The following EML1 variants were observed in gnomAD, a reference collection of about 807,000 sequenced individuals.
EML1 encodes EMAP like 1.
Under a neutral mutation model 110.4 loss-of-function variants are expected in EML1, and 27 were observed. The observed-to-expected ratio is 0.24, with a 90% confidence interval of 0.18 to 0.34. EML1 has a LOEUF of 0.34. EML1 is among the 10% of genes least tolerant of loss of function. EML1 has a pLI of 1.00. For missense variants in EML1, 741 were observed against 1,030.9 expected, an observed-to-expected ratio of 0.72 and a Z score of 3.85; for synonymous variants, 344 against 385.8, an observed-to-expected ratio of 0.89 and a Z score of 1.27.
rs557745134 is a variant in EML1 at position 99,910,147 on chromosome 14, A to G, written c.1240-95A>G. ...ACTATCCAGCTTGGGACCACTGCGA[A>G]TCTAGATGTTATTAGTACAAATGAA... On this transcript the variant is annotated intron_variant, in intron 11 of 21. Coordinates refer to ENST00000262233, the MANE Select transcript of EML1 (RefSeq NM_004434.3). 5.5e-6 allele frequency: 5 copies of G among 905,952 alleles called. No homozygotes were observed. In the African/African-American group the frequency reaches 8.4e-5, roughly 15 times the overall value. The allele number at this position is 905,952 out of a possible 1,614,324, so 56.1% of individuals were successfully genotyped here.
intron 1 of EML1, among the ~76,000 whole-genome samples, chr14:99,800,832 C>T (rs1277459130): frequency 6.6e-6 from 1 of 152,238 alleles, no homozygotes; most frequent in Non-Finnish European, 1.5e-5. Flanking sequence ...AATATTTAAA[C>T]TCTCTATCTT....
chr14:99,752,237 G>A (rs2057185102), intron 1 of EML1, among the ~76,000 whole-genome samples: 1 of 152,066 alleles, frequency 6.6e-6, no homozygotes, highest in Admixed American at 6.5e-5. Flanking sequence ...TATGTACCCA[G>A]GAGGACACTC....
At chr14:99,908,824 G>C (rs370985505) in intron 10 of EML1, among the ~76,000 whole-genome samples, 54 of 152,220 alleles carry the variant, frequency 3.5e-4, no homozygotes, top group Admixed American at 6.5e-4. Context: ...CGGGCAGCCA[G>C]AGTCAGCCAC....
In EML1 at chr14:99,940,672, G is replaced by C. The variant is rs1329917408; in HGVS notation, c.*560G>C. The C allele has an allele frequency of 6.6e-6, 1 of 152,240 alleles. No individual in the cohort carries two copies. The highest frequency in any genetic ancestry group is 2.4e-5 in the African/African-American group (1 of 41,450). 9.4% of individuals were successfully genotyped at this position (152,240 alleles called of 1,614,324 possible). ...TTTCATTGCATTCTCCCTTGGGGAG[G>C]CTGTGAGAGAGGGCTTGTATCCCTC... On this transcript the variant is annotated 3_prime_UTR_variant, in exon 22 of 22. Transcript: ENST00000262233.
rs1028293751 is a variant in EML1, at chr14:99,845,398, G to A, written c.68-5455G>A. On this transcript the variant is annotated intron_variant, in intron 1 of 21. Transcript: ENST00000262233. ...GTTTTCTCACTGTTGAGTTTGTAAA[G>A]TTCTTTATATTTCTCATTCAATAGA... Among the ~76,000 whole-genome samples the A allele has an allele frequency of 8.5e-5, 13 of 152,222 alleles. No individual in the cohort carries two copies. In the East Asian group the frequency reaches 2.5e-3, roughly 29 times the overall value.
In EML1 at chr14:99,939,856, T is replaced by A. The variant is rs4900449; in HGVS notation, c.2323-131T>A. 419,752 of 1,171,296 alleles carry A rather than the reference T, an allele frequency of 0.36. 78,582 individuals are homozygous for A. Among genetic ancestry groups the A allele is most frequent in the Non-Finnish European group, 0.37 (321,880 of 860,734 alleles). 72.6% of individuals were successfully genotyped at this position (1,171,296 alleles called of 1,614,324 possible). A position where few individuals can be genotyped will look rare whatever the true frequency, so the allele number is the denominator to read the frequency against. ...CTTCTGTGTCACACACAGAGCAGGT[T>A]CCCAAGTGAGAGCTGCCGAGCGGAG... On this transcript the variant is annotated intron_variant, in intron 21 of 21. Transcript: ENST00000262233. This position sits in a 1 kb window ranked among gnomAD's most constrained non-coding sequence, Gnocchi z 4.2.
chr14:99,782,885 C>T (rs1434587078), intron 1 of EML1, among the ~76,000 whole-genome samples: 5 of 152,040 alleles, frequency 3.3e-5, no homozygotes, highest in African/African-American at 1.2e-4. Context: ...TTTCTTGTAA[C>T]TTCGATATTG....
intron 1 of EML1, among the ~76,000 whole-genome samples, chr14:99,765,749 C>T (rs1261103605): frequency 6.6e-6 from 1 of 151,776 alleles, no homozygotes; most frequent in Non-Finnish European, 1.5e-5. Flanking sequence ...GGATTACAGG[C>T]GTGCACCACC....
upstream of EML1, among the ~76,000 whole-genome samples, chr14:99,790,864 T>A (rs1465754670): frequency 1.6e-5 from 2 of 128,784 alleles, no homozygotes; most frequent in Admixed American, 7.4e-5. Context: ...TTTTTTCTTT[T>A]CCTTTTTTTT....
At chr14:99,780,136 A>G (rs964631253) in intron 1 of EML1, among the ~76,000 whole-genome samples, 1 of 152,162 alleles carries the variant, frequency 6.6e-6, no homozygotes, top group Non-Finnish European at 1.5e-5. Context: ...CCTTTTTATA[A>G]GGTCACTAAT....
At chr14:99,776,564 G>T (rs1034657899) in intron 1 of EML1, among the ~76,000 whole-genome samples, 2 of 151,410 alleles carry the variant, frequency 1.3e-5, no homozygotes, top group Non-Finnish European at 1.5e-5. Context: ...ATGTACAGCC[G>T]AACATTTTAC....
intron 1 of EML1, among the ~76,000 whole-genome samples, chr14:99,765,576 T>C (rs118151659): frequency 0.049 from 7,486 of 152,230 alleles, 197 homozygotes; most frequent in African/African-American, 0.06. Flanking sequence ...AAGTTAAAAA[T>C]ATTACATTGT....
intron 13 of EML1, among the ~76,000 whole-genome samples, chr14:99,913,558 C>T (rs2059981480): frequency 1.3e-5 from 2 of 152,188 alleles, no homozygotes; most frequent in South Asian, 4.1e-4. Context: ...CAGTAGCATT[C>T]CTTATTTTTA....
intron 17 of EML1, among the ~76,000 whole-genome samples, chr14:99,923,639 CCCCCTTCACCTGT>C (rs2060175114): frequency 1.6e-3 from 106 of 65,270 alleles, no homozygotes; most frequent in African/African-American, 6.0e-3. Flanking sequence ...CTCAGTTCTG[CCCCCTTCACCTGT>C]GTTTATCCCC....
At position 99,893,552 on chromosome 14, in the gene EML1, G is replaced by A. The variant is rs115301480; in HGVS notation, c.548-1077G>A. On this transcript the variant is annotated intron_variant, in intron 5 of 21. Transcript: ENST00000262233. ...ACACACAATAACATGAAACTGGGGTGCCCTCTTGATTTTTAAGTAATACTG... is the reference window on the plus strand; with the variant it reads ...ACACACAATAACATGAAACTGGGGTACCCTCTTGATTTTTAAGTAATACTG... Among the ~76,000 whole-genome samples the A allele has an allele frequency of 5.0e-3, 764 of 152,306 alleles. 12 individuals are homozygous for A. The highest frequency in any genetic ancestry group is 0.017 in the African/African-American group (726 of 41,562).
intron 1 of EML1, among the ~76,000 whole-genome samples, chr14:99,802,069 G>A (rs1264970855): frequency 6.6e-6 from 1 of 152,162 alleles, no homozygotes; most frequent in Non-Finnish European, 1.5e-5. Flanking sequence ...ATCAGGGCGG[G>A]CTTCCTAAGA....
chr14:99,877,829 C>T (rs2059318784), intron 3 of EML1, among the ~76,000 whole-genome samples: 1 of 152,174 alleles, frequency 6.6e-6, no homozygotes, highest in Admixed American at 6.5e-5. Flanking sequence ...CCCGGGTCTC[C>T]ACCCACTACA....
intron 1 of EML1, among the ~76,000 whole-genome samples, chr14:99,741,336 T>C (rs1475831484): frequency 6.6e-6 from 1 of 152,130 alleles, no homozygotes; most frequent in Non-Finnish European, 1.5e-5. Flanking sequence ...CTGCCCTTGC[T>C]GGTGCGTTTT....
At position 99,741,391 on chromosome 14, in the gene EML1, C is replaced by T. The variant is rs1168859607; in HGVS notation, c.28+3531C>T. ...AGTTGTTCCCCCGTCTTTATCACCT[C>T]CCCCAATGCCCTGCAGCTTCTGATT... On this transcript the variant is annotated intron_variant, in intron 1 of 10. Transcript: ENST00000554479. Among the ~76,000 whole-genome samples the T allele has an allele frequency of 3.3e-5, 5 of 152,100 alleles. No individual in the cohort carries two copies. The South Asian group carries it at 1.0e-3, about 32-fold the overall frequency.
Sources: gnomAD v4.1 joint callset for allele counts (sites outside exome capture counted in the v4.1 genomes callset) on GRCh38, gnomAD v4.1.1 for gene constraint, Gnocchi (gnomAD v3.1) non-coding constraint, MANE v1.5 for transcripts, NCBI Gene and HGNC (gene_info 2026-07-23, HGNC 2026-07-21) for gene names.